Variants in WWC1 observed in about 807,000 individuals in gnomAD.
WWC1 encodes WW and C2 domain containing 1.
Under a neutral mutation model 138.4 loss-of-function variants are expected in WWC1, and 55 were observed. The ratio of observed to expected loss-of-function variants is 0.40; its 90% CI spans 0.32 to 0.50. The LOEUF (loss-of-function observed/expected upper bound fraction) is 0.50. Ranked by LOEUF, WWC1 falls within the 20% of genes least tolerant of loss-of-function variation. The pLI is 0.72. For synonymous variants in WWC1, 524 were observed against 564.9 expected (o/e 0.93, Z 1.03); for missense variants, 1,226 against 1,420.4 (o/e 0.86, Z 2.20).
intron 3 of WWC1, among the ~76,000 whole-genome samples, chr5:168,396,741 G>C (rs1174440161): frequency 2.6e-5 from 4 of 152,038 alleles, no homozygotes; most frequent in Non-Finnish European, 4.4e-5. Flanking sequence ...TTACTGTGTA[G>C]TATTCACTTT....
chr5:168,447,888 C>G (rs1158806539), intron 17 of WWC1, among the ~76,000 whole-genome samples: 1 of 151,776 alleles, frequency 6.6e-6, no homozygotes, highest in South Asian at 2.1e-4. Flanking sequence ...TCTCTTTCTG[C>G]TTGGCACACT....
At chr5:168,406,073 G>A in intron 5 of WWC1, 125 bp from the exon 6 acceptor site, 1 of 1,238,708 alleles carries the variant, frequency 8.1e-7, no homozygotes, top group Non-Finnish European at 1.1e-6. Flanking sequence ...AGGGAGGAAG[G>A]GTTAGCAGGA....
intron 19 of WWC1, among the ~76,000 whole-genome samples, chr5:168,459,254 CAA>C (rs34453947): frequency 2.0e-4 from 19 of 94,806 alleles, no homozygotes; most frequent in Middle Eastern, 5.5e-3. Context: ...AACCCTGTCT[CAA>C]AAAAAAAAAA....
intron 1 of WWC1, among the ~76,000 whole-genome samples, chr5:168,317,506 G>A (rs1771709398): frequency 6.6e-6 from 1 of 152,050 alleles, no homozygotes; most frequent in Admixed American, 6.6e-5. Flanking sequence ...GAGTAGACAG[G>A]GCTGCGATGA....
At chr5:168,353,842 T>G (rs1387697309) in intron 1 of WWC1, among the ~76,000 whole-genome samples, 1 of 152,200 alleles carries the variant, frequency 6.6e-6, no homozygotes. Context: ...GATTTCACCT[T>G]TCTGGGAATC....
rs1757557563 is a variant in WWC1 at position 168,469,157 on chromosome 5, T to A, written c.*140T>A. Reference sequence around the variant, plus strand: ...TTGTTGGTTTGAAGATGAACCGACTTTTTAGTTTGGGTCCTACTGTTGTTA... The same window carrying A: ...TTGTTGGTTTGAAGATGAACCGACTATTTAGTTTGGGTCCTACTGTTGTTA... On this transcript the variant is annotated 3_prime_UTR_variant, in exon 23 of 23. Transcript: ENST00000265293. 1.1e-6 allele frequency: 1 copy of A among 932,284 alleles called. No individual in the cohort carries two copies. Among genetic ancestry groups the A allele is most frequent in the Non-Finnish European group, 1.6e-6 (1 of 611,588 alleles). 57.8% of individuals were successfully genotyped at this position (932,284 alleles called of 1,614,324 possible).
Position 168,423,684 on chromosome 5 carries a change from G to C in WWC1, c.1426G>C (p.Glu476Gln), listed in dbSNP as rs1378778863. ...YYDPFEQLDSELQSKVEFLLL... is the reference protein window; with the variant it reads ...YYDPFEQLDSQLQSKVEFLLL... ...TGACCCCTTTGAGCAGCTGGACTCA[G>C]AGCTGCAGAGCAAGGTGGAGTTCCT... is the stretch of plus-strand genomic sequence containing the variant. Residue 476 changes from glutamate to glutamine, a missense_variant, in exon 11 of 23, where the codon GAG becomes CAG. Glu to Gln is a conservative substitution (Grantham distance 29, BLOSUM62 2). This residue lies in a region of WWC1 where 1,016 missense variants were observed against 1,153.9 expected (regional missense o/e 0.88). Coordinates refer to ENST00000265293, the MANE Select transcript of WWC1 (RefSeq NM_015238.3). 3 of 1,614,084 alleles carry C rather than the reference G, an allele frequency of 1.9e-6. No individual in the cohort carries two copies. Among genetic ancestry groups the C allele is most frequent in the Non-Finnish European group, 2.5e-6 (3 of 1,180,044 alleles).
Position 168,292,730 on chromosome 5 carries a change from A to G in WWC1, c.119+459A>G, listed in dbSNP as rs1388688120. On this transcript the variant is annotated intron_variant, in intron 1 of 22. Transcript: ENST00000265293. This position sits in a 1 kb window ranked among gnomAD's most constrained non-coding sequence, Gnocchi z 4.4. ...GGTTAGAGGGGGTGGTCAAGACCCC[A>G]GGATTCCGTGGGAGACCACTGGAGA... Among the ~76,000 whole-genome samples, 3 of 152,126 alleles carry G rather than the reference A, an allele frequency of 2.0e-5. No individual in the cohort carries two copies. Among genetic ancestry groups the G allele is most frequent in the African/African-American group, 7.2e-5 (3 of 41,440 alleles).
intron 11 of WWC1, among the ~76,000 whole-genome samples, chr5:168,426,077 G>A (rs1270086311): frequency 6.6e-6 from 1 of 152,192 alleles, no homozygotes; most frequent in Non-Finnish European, 1.5e-5. Context: ...ATCCATGTGT[G>A]TACAAGGGCC....
At chr5:168,441,957 T>TATTTA in intron 16 of WWC1, 123 bp downstream of exon 16, 1 of 1,380,646 alleles carries the variant, frequency 7.2e-7, no homozygotes. Context: ...GTGGAGGAAG[T>TATTTA]AGGAGAAGAA....
At chr5:168,395,813 T>C (rs1302892949) in intron 3 of WWC1, among the ~76,000 whole-genome samples, 1 of 152,244 alleles carries the variant, frequency 6.6e-6, no homozygotes, top group Non-Finnish European at 1.5e-5. Flanking sequence ...TCAGCAGAAA[T>C]GCAACACTTC....
At chr5:168,357,167 ATCTT>A (rs768282861) in intron 1 of WWC1, among the ~76,000 whole-genome samples, 1 of 151,952 alleles carries the variant, frequency 6.6e-6, no homozygotes, top group African/African-American at 2.4e-5. Context: ...TTCCAATGAG[ATCTT>A]TCTTTCTTTG....
chr5:168,328,974 A>C (rs574501987), intron 1 of WWC1, among the ~76,000 whole-genome samples: 1 of 152,198 alleles, frequency 6.6e-6, no homozygotes, highest in East Asian at 1.9e-4. Context: ...CCCCTCATCC[A>C]CCTGCAGTAA....
At chr5:168,453,841 C>A in intron 17 of WWC1, 127 bp from the exon 18 acceptor site, 2 of 1,490,516 alleles carry the variant, frequency 1.3e-6, no homozygotes, top group African/African-American at 1.4e-5. Context: ...CCTGGCCCCC[C>A]AAAACTTTTT....
At chr5:168,453,866 A>G (rs766157064) in intron 17 of WWC1, 102 bp from the exon 18 acceptor site, 183 of 1,550,256 alleles carry the variant, frequency 1.2e-4, no homozygotes, top group Non-Finnish European at 1.5e-4. Flanking sequence ...TATATCTTCA[A>G]TCATCAAAAG....
Position 168,431,447 on chromosome 5 carries a change from A to G in WWC1, c.2280+3A>G, listed in dbSNP as rs1393470103. 1.3e-6 allele frequency: 2 copies of G among 1,599,552 alleles called. No individual in the cohort carries two copies. Among genetic ancestry groups the G allele is most frequent in the South Asian group, 1.1e-5 (1 of 89,486 alleles). ...GGAGCCATCTGGAAGAGTGCCTGGTAAGGGCCGTGTCTGGCTGGCTGGCTG... is the reference window on the plus strand; with the variant it reads ...GGAGCCATCTGGAAGAGTGCCTGGTGAGGGCCGTGTCTGGCTGGCTGGCTG... On this transcript the variant is annotated splice_donor_region_variant and intron_variant, in intron 15 of 22. Coordinates refer to ENST00000265293, the MANE Select transcript of WWC1 (RefSeq NM_015238.3).
At chr5:168,373,459 ACCACCTC>A (rs1203843226) in intron 2 of WWC1, among the ~76,000 whole-genome samples, 1 of 151,718 alleles carries the variant, frequency 6.6e-6, no homozygotes, top group African/African-American at 2.4e-5. Flanking sequence ...GATGTGGGGG[ACCACCTC>A]AGTAGATGGA....
At chr5:168,399,336 G>A (rs547919053) in intron 4 of WWC1, 152 bp from the exon 5 acceptor site, 340 of 678,274 alleles carry the variant, frequency 5.0e-4, no homozygotes, top group Admixed American at 7.6e-4. Context: ...GGTGACAGGA[G>A]GGGGCTCTGA....
intron 11 of WWC1, 94 bp from the exon 12 acceptor site, chr5:168,427,939 T>G: frequency 1.0e-6 from 1 of 998,994 alleles, no homozygotes; most frequent in Non-Finnish European, 1.5e-6. Flanking sequence ...CCAGCCTGGA[T>G]GAGTGAGACC....
Sources: allele counts gnomAD v4.1 joint callset (sites outside exome capture counted in the v4.1 genomes callset), GRCh38; gene constraint gnomAD v4.1.1; regional missense constraint gnomAD v4.1.1; non-coding constraint Gnocchi (gnomAD v3.1); transcripts MANE v1.5; gene names NCBI Gene and HGNC (gene_info 2026-07-23, HGNC 2026-07-21).